ROBO2: variants seen among roughly 807,000 people sequenced by gnomAD.
ROBO2 encodes the protein roundabout guidance receptor 2.
Under a neutral mutation model 160.8 loss-of-function variants are expected in ROBO2, and 53 were observed. That is an observed-to-expected ratio of 0.33 (90% confidence interval 0.26 to 0.41). ROBO2 has a LOEUF of 0.41. ROBO2 is among the 10% of genes least tolerant of loss of function. The probability of loss-of-function intolerance (pLI) is 1.00; values close to 1 mark genes in which losing one functional copy is unlikely to be tolerated. For missense variants in ROBO2, 1,577 were observed against 1,722.4 expected (o/e 0.92, Z 1.49); for synonymous variants, 664 against 611.7 (o/e 1.09, Z -1.26).
intron 2 of ROBO2, among the ~76,000 whole-genome samples, chr3:76,011,891 A>G (rs1326313742): frequency 6.6e-6 from 1 of 152,178 alleles, no homozygotes; most frequent in Non-Finnish European, 1.5e-5. Context: ...TTAAGGATAC[A>G]ATATTGTTTC....
intron 1 of ROBO2, among the ~76,000 whole-genome samples, chr3:77,050,598 T>A (rs2149688534): frequency 6.6e-6 from 1 of 152,176 alleles, no homozygotes; most frequent in African/African-American, 2.4e-5. Context: ...TTTGGTTTTT[T>A]TTCCCCATGC....
intron 2 of ROBO2, among the ~76,000 whole-genome samples, chr3:77,289,341 A>T (rs1459937252): frequency 6.6e-6 from 1 of 152,144 alleles, no homozygotes; most frequent in African/African-American, 2.4e-5. Flanking sequence ...CATAAAGTAA[A>T]ATTGACGGTT....
chr3:76,209,598 C>T (rs1171048567), intron 2 of ROBO2, among the ~76,000 whole-genome samples: 1 of 152,022 alleles, frequency 6.6e-6, no homozygotes, highest in Non-Finnish European at 1.5e-5. Flanking sequence ...CTATGCCCCT[C>T]AGGAATACTT....
At chr3:76,927,592 A>T (rs926019770) in intron 2 of ROBO2, among the ~76,000 whole-genome samples, 2 of 152,226 alleles carry the variant, frequency 1.3e-5, no homozygotes, top group Non-Finnish European at 2.9e-5. Context: ...TCAACAACGC[A>T]TAAGAATTAT....
At chr3:76,409,038 C>T (rs957480054) in intron 2 of ROBO2, among the ~76,000 whole-genome samples, 1 of 151,962 alleles carries the variant, frequency 6.6e-6, no homozygotes, top group East Asian at 1.9e-4. Context: ...CAATAGAGTT[C>T]TGTAGTCAAA....
At chr3:77,400,998 A>AGCCGAGATCGCGCCACTGCACTCC (rs1560730338) in intron 2 of ROBO2, among the ~76,000 whole-genome samples, 1 of 152,134 alleles carries the variant, frequency 6.6e-6, no homozygotes, top group African/African-American at 2.4e-5. Flanking sequence ...GGGTTCTTGC[A>AGCCGAGATCGCGCCACTGCACTCC]AGAATAAAAA....
intron 2 of ROBO2, among the ~76,000 whole-genome samples, chr3:76,772,306 T>C (rs1374150411): frequency 6.6e-6 from 1 of 150,980 alleles, no homozygotes; most frequent in Non-Finnish European, 1.5e-5. Flanking sequence ...GCTTTCTCAA[T>C]ATGTTTTAAA....
intron 2 of ROBO2, among the ~76,000 whole-genome samples, chr3:76,678,018 T>C (rs1459975628): frequency 7.2e-6 from 1 of 138,214 alleles, no homozygotes; most frequent in East Asian, 2.3e-4. Flanking sequence ...TCACTCAGGC[T>C]GGCGTGCAGT....
intron 2 of ROBO2, among the ~76,000 whole-genome samples, chr3:76,143,189 G>T (rs778479571): frequency 6.6e-6 from 1 of 151,864 alleles, no homozygotes; most frequent in Non-Finnish European, 1.5e-5. Context: ...ACTATATTCA[G>T]ATATTTATTA....
At chr3:77,618,584 G>C (rs985547881) in intron 22 of ROBO2, among the ~76,000 whole-genome samples, 2 of 151,998 alleles carry the variant, frequency 1.3e-5, no homozygotes, top group Non-Finnish European at 2.9e-5. Context: ...TTTACCCTTT[G>C]TGCTTGAAGT....
At chr3:77,473,195 C>T (rs754380803) in intron 2 of ROBO2, among the ~76,000 whole-genome samples, 1 of 151,904 alleles carries the variant, frequency 6.6e-6, no homozygotes, top group Non-Finnish European at 1.5e-5. Flanking sequence ...AAGAAGTTGG[C>T]CACCCCATCC....
At chr3:76,625,539 C>A (rs1212581253) in intron 2 of ROBO2, among the ~76,000 whole-genome samples, 1 of 151,436 alleles carries the variant, frequency 6.6e-6, no homozygotes, top group African/African-American at 2.4e-5. Context: ...AAAAAAATAT[C>A]AAAAAGTTTG....
intron 2 of ROBO2, among the ~76,000 whole-genome samples, chr3:77,350,008 G>A (rs1432494503): frequency 6.6e-6 from 1 of 151,512 alleles, no homozygotes; most frequent in Non-Finnish European, 1.5e-5. Context: ...GCTTACTTTT[G>A]GAAGAAAAGA....
intron 2 of ROBO2, among the ~76,000 whole-genome samples, chr3:76,318,616 G>A (rs1215318839): frequency 6.6e-6 from 1 of 152,098 alleles, no homozygotes; most frequent in Non-Finnish European, 1.5e-5. Flanking sequence ...TGAATGCATA[G>A]TTAAGATTGT....
intron 2 of ROBO2, among the ~76,000 whole-genome samples, chr3:76,025,310 G>A (rs937339514): frequency 2.0e-5 from 3 of 151,618 alleles, no homozygotes; most frequent in African/African-American, 7.3e-5. Context: ...AGGGTGTTAC[G>A]TAGCTATGGG....
At chr3:76,295,682 A>G (rs1709033801) in intron 2 of ROBO2, among the ~76,000 whole-genome samples, 2 of 152,168 alleles carry the variant, frequency 1.3e-5, no homozygotes, top group Admixed American at 6.5e-5. Context: ...TGCAGTTTAA[A>G]AGCCTTTATC....
chr3:76,390,001 G>A (rs1362288677), intron 2 of ROBO2, among the ~76,000 whole-genome samples: 4 of 152,148 alleles, frequency 2.6e-5, no homozygotes, highest in Admixed American at 2.0e-4. Flanking sequence ...CAAATGTCCC[G>A]TGTGAGGTTA....
At chr3:76,161,768 T>G (rs1423816726) in intron 2 of ROBO2, among the ~76,000 whole-genome samples, 1 of 152,160 alleles carries the variant, frequency 6.6e-6, no homozygotes, top group African/African-American at 2.4e-5. Context: ...GTTGTAAAAT[T>G]TATTCCATTT....
intron 2 of ROBO2, among the ~76,000 whole-genome samples, chr3:77,180,110 T>C (rs556383788): frequency 6.6e-6 from 1 of 151,954 alleles, no homozygotes; most frequent in African/African-American, 2.4e-5. Flanking sequence ...ATGTTTAGTG[T>C]TGATGAGATC....
Sources: allele counts gnomAD v4.1 joint callset (sites outside exome capture counted in the v4.1 genomes callset), GRCh38; gene constraint gnomAD v4.1.1; transcripts MANE v1.5; gene names NCBI Gene and HGNC (gene_info 2026-07-23, HGNC 2026-07-21).